SGCZ: variants seen among roughly 807,000 people sequenced by gnomAD.
The protein encoded by SGCZ is sarcoglycan zeta.
In SGCZ, 40 loss-of-function variants were observed where a neutral mutation model predicts 41.3. The ratio of observed to expected loss-of-function variants is 0.97; its 90% CI spans 0.75 to 1.26. The LOEUF (loss-of-function observed/expected upper bound fraction) is 1.26, where lower values mean the gene tolerates loss of function less well. Ranked by LOEUF, SGCZ falls within the 50% of genes most tolerant of loss-of-function variation. The pLI is 0.00. For synonymous variants in SGCZ, 206 were observed against 137.5 expected (o/e 1.50, Z -3.49); for missense variants, 552 against 369.8 (o/e 1.49, Z -4.04).
chr8:14,746,172 AC>A lies in SGCZ; in HGVS notation c.40-191247del, dbSNP rs557756402. ...ATTAGCATAATAGATATTAAATATA[AC>A]AAGGCATTCAAACGTAGAGATTTAA... is the stretch of plus-strand genomic sequence containing the variant. On this transcript the variant is annotated intron_variant, in intron 1 of 7. Coordinates refer to ENST00000382080, the MANE Select transcript of SGCZ (RefSeq NM_139167.4). Among the ~76,000 whole-genome samples, 494 of 152,234 alleles carry A rather than the reference AC, an allele frequency of 3.2e-3. 7 individuals carry two copies. The highest frequency in any genetic ancestry group is 0.027 in the Middle Eastern group (8 of 294).
intron 3 of SGCZ, among the ~76,000 whole-genome samples, chr8:14,303,362 C>G (rs1801254658): frequency 6.6e-6 from 1 of 151,944 alleles, no homozygotes; most frequent in African/African-American, 2.4e-5. Flanking sequence ...TAACTTTTCA[C>G]CAATCCCACA....
At chr8:14,816,242 G>T (rs985994002) in intron 1 of SGCZ, among the ~76,000 whole-genome samples, 10 of 152,282 alleles carry the variant, frequency 6.6e-5, no homozygotes, top group Non-Finnish European at 1.0e-4. Context: ...GTGGTTATTC[G>T]TTTGAGCAGC....
At chr8:14,643,553 AGAG>A (rs1406320275) in intron 1 of SGCZ, among the ~76,000 whole-genome samples, 1 of 151,408 alleles carries the variant, frequency 6.6e-6, no homozygotes, top group Non-Finnish European at 1.5e-5. Context: ...AAAAAAAAAA[AGAG>A]AAGCTTAATC....
intron 1 of SGCZ, among the ~76,000 whole-genome samples, chr8:14,995,548 T>C (rs1233901351): frequency 1.3e-5 from 2 of 152,202 alleles, no homozygotes; most frequent in Non-Finnish European, 2.9e-5. Context: ...GGCATGTTAA[T>C]TTTGGGGTTC....
rs1329106773 is a variant in SGCZ at position 14,101,355 on chromosome 8, AGAAAATTGGGAAAAGACCATG to A, written c.744+1000_744+1020del. The stretch of plus-strand genomic sequence containing the variant: ...CTTCAGAGTTTCAGAAAAAGACCAT[AGAAAATTGGGAAAAGACCATG>A]GAAAATTGGGGAGAGGTTATCTGAG... On this transcript the variant is annotated intron_variant, in intron 7 of 7. Transcript: ENST00000382080. Among the ~76,000 whole-genome samples the A allele has an allele frequency of 6.3e-4, 49 of 77,284 alleles. 1 individual carries two copies. The highest frequency in any genetic ancestry group is 1.4e-3 in the South Asian group (3 of 2,134). 50.7% of individuals were successfully genotyped at this position (77,284 alleles called of 152,430 possible).
chr8:14,326,341 G>A (rs555071920), intron 2 of SGCZ, among the ~76,000 whole-genome samples: 7 of 151,894 alleles, frequency 4.6e-5, no homozygotes, highest in African/African-American at 1.7e-4. Flanking sequence ...AAGCCATTGA[G>A]GTAGAATTAT....
chr8:14,596,777 T>C (rs1388058316), intron 1 of SGCZ, among the ~76,000 whole-genome samples: 1 of 152,144 alleles, frequency 6.6e-6, no homozygotes, highest in African/African-American at 2.4e-5. Flanking sequence ...CCATGGCACA[T>C]GTATACCTAT....
intron 1 of SGCZ, among the ~76,000 whole-genome samples, chr8:15,115,579 A>G (rs1476803543): frequency 6.6e-6 from 1 of 152,228 alleles, no homozygotes; most frequent in African/African-American, 2.4e-5. Flanking sequence ...GCTTTCCTCA[A>G]GACAAATATG....
chr8:14,118,858 G>C (rs1441446868), intron 5 of SGCZ, among the ~76,000 whole-genome samples: 5 of 152,202 alleles, frequency 3.3e-5, no homozygotes, highest in South Asian at 2.1e-4. Context: ...ATTTGTCAAA[G>C]ATCAGATGGT....
At chr8:14,467,745 T>G (rs1470375608) in intron 2 of SGCZ, among the ~76,000 whole-genome samples, 2 of 152,042 alleles carry the variant, frequency 1.3e-5, no homozygotes, top group African/African-American at 4.8e-5. Context: ...ATCCTCCTCA[T>G]GTGCTTGCTT....
intron 1 of SGCZ, among the ~76,000 whole-genome samples, chr8:14,744,101 G>T (rs970680579): frequency 6.7e-6 from 1 of 148,928 alleles, no homozygotes; most frequent in African/African-American, 2.5e-5. Context: ...TCTCTTTTAG[G>T]CTTCTCAAAA....
intron 1 of SGCZ, among the ~76,000 whole-genome samples, chr8:15,156,220 T>C (rs1799327607): frequency 6.6e-6 from 1 of 152,146 alleles, no homozygotes; most frequent in Non-Finnish European, 1.5e-5. Flanking sequence ...ATGGCTAATG[T>C]CCAAAAACGC....
chr8:15,028,324 G>A (rs993685152), intron 1 of SGCZ, among the ~76,000 whole-genome samples: 2 of 151,956 alleles, frequency 1.3e-5, no homozygotes, highest in Non-Finnish European at 2.9e-5. Flanking sequence ...TTTCGAAGTT[G>A]AAGTCAGTTT....
intron 2 of SGCZ, among the ~76,000 whole-genome samples, chr8:14,503,678 G>T (rs1469350019): frequency 6.6e-6 from 1 of 152,062 alleles, no homozygotes; most frequent in African/African-American, 2.4e-5. Context: ...TGAGGCAGGA[G>T]AATCGCTTGA....
chr8:15,029,601 T>A (rs950454469), intron 1 of SGCZ, among the ~76,000 whole-genome samples: 1 of 152,256 alleles, frequency 6.6e-6, no homozygotes, highest in African/African-American at 2.4e-5. Context: ...GTATGTTAAA[T>A]AAATTTTGTT....
chr8:14,881,133 A>G lies in SGCZ; in HGVS notation c.40-326207T>C, dbSNP rs1452162574. ...ATAATGCCTACAACTTATTTTACATAAGAAAACAAGTGGAAATACAATTTT... is the reference window on the plus strand; with the variant it reads ...ATAATGCCTACAACTTATTTTACATGAGAAAACAAGTGGAAATACAATTTT... On this transcript the variant is annotated intron_variant, in intron 1 of 7. Transcript: ENST00000382080. 3.3e-5 allele frequency among the ~76,000 whole-genome samples: 5 copies of G among 152,262 alleles called. No homozygotes were observed. In the East Asian group the frequency reaches 9.7e-4, roughly 29 times the overall value.
At chr8:15,171,851 G>A (rs983176212) in intron 1 of SGCZ, among the ~76,000 whole-genome samples, 4 of 152,112 alleles carry the variant, frequency 2.6e-5, no homozygotes, top group Non-Finnish European at 1.5e-5. Context: ...ATGAGCAACT[G>A]CATATTCATT....
At chr8:14,294,687 T>C (rs1258278883) in intron 3 of SGCZ, among the ~76,000 whole-genome samples, 1 of 152,076 alleles carries the variant, frequency 6.6e-6, no homozygotes, top group Non-Finnish European at 1.5e-5. Flanking sequence ...AGAACTTGTA[T>C]GTAGAATAGG....
intron 2 of SGCZ, among the ~76,000 whole-genome samples, chr8:14,496,576 G>C (rs888809406): frequency 6.6e-6 from 1 of 152,088 alleles, no homozygotes; most frequent in Non-Finnish European, 1.5e-5. Context: ...CTATGCTAAA[G>C]CTCATTAAGT....
Sources: allele counts gnomAD v4.1 joint callset (sites outside exome capture counted in the v4.1 genomes callset), GRCh38; gene constraint gnomAD v4.1.1; transcripts MANE v1.5; gene names NCBI Gene and HGNC (gene_info 2026-07-23, HGNC 2026-07-21).